ELOVL2: variants seen among roughly 807,000 people sequenced by gnomAD.
ELOVL2 encodes the protein very long chain fatty acid elongase 2.
Under a neutral mutation model 37.7 loss-of-function variants are expected in ELOVL2, and 38 were observed. The observed-to-expected ratio is 1.01, with a 90% CI of 0.78 to 1.32. ELOVL2 has a LOEUF of 1.32. ELOVL2 is among the 40% of genes most tolerant of loss of function. The probability of loss-of-function intolerance (pLI) is 0.00; values close to 1 mark genes in which losing one functional copy is unlikely to be tolerated. For missense variants in ELOVL2, 352 were observed against 363.6 expected, an observed-to-expected ratio of 0.97 and a Z score of 0.26; for synonymous variants, 115 against 122.3, an observed-to-expected ratio of 0.94 and a Z score of 0.40.
At chr6:11,016,291 T>C (rs3818232) in intron 1 of ELOVL2, among the ~76,000 whole-genome samples, 3,572 of 144,302 alleles carry the variant, frequency 0.025, 156 homozygotes, top group East Asian at 0.22. Context: ...CCCTGTTTTG[T>C]TGATAGTTTT....
intron 3 of ELOVL2, 83 bp downstream of exon 3, chr6:11,005,289 G>A (rs1782460406): frequency 1.6e-6 from 2 of 1,251,822 alleles, no homozygotes; most frequent in East Asian, 4.7e-5. Context: ...ACCTTGCATA[G>A]TTCTGCCAGG....
At chr6:11,018,119 A>G (rs969997869) in intron 1 of ELOVL2, among the ~76,000 whole-genome samples, 1 of 152,158 alleles carries the variant, frequency 6.6e-6, no homozygotes, top group African/African-American at 2.4e-5. Context: ...AGAACACAGA[A>G]AAAAAATTGC....
chr6:11,025,358 T>C (rs952862181), intron 1 of ELOVL2, among the ~76,000 whole-genome samples: 3 of 152,186 alleles, frequency 2.0e-5, no homozygotes, highest in African/African-American at 7.2e-5. Flanking sequence ...GGCGCCAATG[T>C]CTAAAGTATG....
rs1378810855 is a variant in ELOVL2, at chr6:11,040,173, A to AT, written c.3+4054dup. On this transcript the variant is annotated intron_variant, in intron 1 of 7. Transcript: ENST00000354666. Reference sequence around the variant, plus strand: ...CACAGTAGACTGAAGAGCTGGTGGAATTACTAACAGCAAAAGAGAACAGAG... The same window carrying AT: ...CACAGTAGACTGAAGAGCTGGTGGAATTTACTAACAGCAAAAGAGAACAGAG... Among the ~76,000 whole-genome samples, 3 of 152,348 alleles carry AT rather than the reference A, an allele frequency of 2.0e-5. No homozygotes were observed. The East Asian group carries it at 5.8e-4, about 29-fold the overall frequency.
chr6:11,013,655 C>T (rs1411300072), intron 1 of ELOVL2, among the ~76,000 whole-genome samples: 1 of 152,116 alleles, frequency 6.6e-6, no homozygotes, highest in Non-Finnish European at 1.5e-5. Flanking sequence ...GAAAGTCAAA[C>T]AGCAAACAAC....
intron 7 of ELOVL2, 146 bp downstream of exon 7, chr6:10,989,557 T>G: frequency 1.4e-6 from 1 of 698,740 alleles, no homozygotes; most frequent in Non-Finnish European, 2.3e-6. Flanking sequence ...GAGAATCACT[T>G]GAACCCAGAA....
intron 1 of ELOVL2, among the ~76,000 whole-genome samples, chr6:11,043,325 A>G (rs572950674): frequency 6.6e-6 from 1 of 152,102 alleles, no homozygotes; most frequent in African/African-American, 2.4e-5. Flanking sequence ...TGAGGATGGC[A>G]CAACAGATGT....
At chr6:11,032,202 G>A (rs935190708) in intron 1 of ELOVL2, among the ~76,000 whole-genome samples, 11 of 152,126 alleles carry the variant, frequency 7.2e-5, no homozygotes, top group Non-Finnish European at 1.3e-4. Flanking sequence ...TCCTGCACAA[G>A]GTTAAGGTCT....
At chr6:11,005,015 C>T (rs1007298627) in intron 3 of ELOVL2, among the ~76,000 whole-genome samples, 11 of 152,014 alleles carry the variant, frequency 7.2e-5, no homozygotes, top group African/African-American at 2.2e-4. Flanking sequence ...AAAAAGTAGC[C>T]GGGCATGGTG....
At chr6:11,003,438 A>G (rs147311312) in intron 3 of ELOVL2, among the ~76,000 whole-genome samples, 66 of 152,306 alleles carry the variant, frequency 4.3e-4, no homozygotes, top group African/African-American at 1.5e-3. Flanking sequence ...GTTTGCTGAG[A>G]ATGATGGCTT....
At chr6:11,025,368 G>A (rs977676135) in intron 1 of ELOVL2, among the ~76,000 whole-genome samples, 6 of 152,130 alleles carry the variant, frequency 3.9e-5, no homozygotes, top group African/African-American at 1.2e-4. Flanking sequence ...TCTAAAGTAT[G>A]TAAAACTGAT....
intron 1 of ELOVL2, among the ~76,000 whole-genome samples, chr6:11,019,280 T>G (rs2113537384): frequency 6.6e-6 from 1 of 152,294 alleles, no homozygotes; most frequent in African/African-American, 2.4e-5. Context: ...GCTGACAAGA[T>G]TAGTCCAAAT....
At chr6:11,011,305 G>A (rs1448477520) in intron 1 of ELOVL2, among the ~76,000 whole-genome samples, 1 of 151,480 alleles carries the variant, frequency 6.6e-6, no homozygotes, top group Admixed American at 6.6e-5. Context: ...GGCAGAGCTT[G>A]CAGTGAGCCG....
chr6:11,026,283 G>T (rs1053305667), intron 1 of ELOVL2, among the ~76,000 whole-genome samples: 1 of 152,152 alleles, frequency 6.6e-6, no homozygotes, highest in Non-Finnish European at 1.5e-5. Context: ...GGAGATGTTA[G>T]ACTATGAATT....
intron 3 of ELOVL2, among the ~76,000 whole-genome samples, chr6:11,003,702 A>G (rs1168300409): frequency 6.6e-6 from 1 of 152,306 alleles, no homozygotes; most frequent in East Asian, 1.9e-4. Context: ...TCATCTAGGG[A>G]GCTAAAATTC....
chr6:10,990,674 C>A (rs890409179), intron 5 of ELOVL2, among the ~76,000 whole-genome samples: 6 of 40,118 alleles, frequency 1.5e-4, no homozygotes, highest in African/African-American at 3.2e-4. Context: ...AATGCCCCCC[C>A]CCCGCCACAC....
At chr6:10,995,229 G>C (rs763442911) in intron 4 of ELOVL2, 51 bp from the exon 5 acceptor site, 1 of 1,386,592 alleles carries the variant, frequency 7.2e-7, no homozygotes, top group Admixed American at 2.0e-5. Flanking sequence ...CAGTGTTCCT[G>C]GTGCTGCCCC....
chr6:11,044,254 C>A lies in ELOVL2; in HGVS notation c.-24G>T, dbSNP rs745607539. ...ATGATCCGCAGCGGCTGTGGCGCGG[C>A]GACCCGGGCGGGCGGCGATGCGCTG... is the stretch of plus-strand genomic sequence containing the variant. On this transcript the variant is annotated 5_prime_UTR_variant, in exon 1 of 8. Transcript: ENST00000354666. This position sits in a 1 kb window ranked among gnomAD's most constrained non-coding sequence, Gnocchi z 5.6. The A allele has an allele frequency of 1.0e-4, 138 of 1,334,008 alleles. No homozygotes were observed. Among genetic ancestry groups the A allele is most frequent in the Non-Finnish European group, 1.2e-4 (129 of 1,044,542 alleles). The allele number at this position is 1,334,008 out of a possible 1,614,324, so 82.6% of individuals were successfully genotyped here.
At chr6:10,984,134 C>A (rs922896713) in intron 7 of ELOVL2, among the ~76,000 whole-genome samples, 6 of 152,188 alleles carry the variant, frequency 3.9e-5, no homozygotes, top group African/African-American at 1.4e-4. Context: ...TCTCCTGCCT[C>A]AGCCTCCCAA....
Sources: gnomAD v4.1 joint callset for allele counts (sites outside exome capture counted in the v4.1 genomes callset) on GRCh38, gnomAD v4.1.1 for gene constraint, Gnocchi (gnomAD v3.1) non-coding constraint, MANE v1.5 for transcripts, NCBI Gene and HGNC (gene_info 2026-07-23, HGNC 2026-07-21) for gene names.